Variants in KANSL3 observed in about 807,000 individuals in gnomAD.
KANSL3 encodes NSL complex protein NSL3.
Under a neutral mutation model 89.2 loss-of-function variants are expected in KANSL3, and 16 were observed. The observed-to-expected ratio is 0.18, with a 90% CI of 0.12 to 0.27. The LOEUF (loss-of-function observed/expected upper bound fraction) is 0.27, where lower values mean the gene tolerates loss of function less well. Ranked by LOEUF, KANSL3 falls within the 10% of genes least tolerant of loss-of-function variation. KANSL3 has a pLI of 1.00. For missense variants in KANSL3, 879 were observed against 1,110.6 expected (o/e 0.79, Z 2.96); for synonymous variants, 385 against 419.7 (o/e 0.92, Z 1.01).
chr2:96,636,746 A>T, intron 2 of KANSL3, 175 bp downstream of exon 2: 1 of 519,518 alleles, frequency 1.9e-6, no homozygotes, highest in Non-Finnish European at 3.3e-6. Context: ...TAGCTGTCTC[A>T]CAGAGATAGC....
chr2:96,605,475 T>C lies in KANSL3; in HGVS notation c.1778A>G (p.Lys593Arg), dbSNP rs1205810595. Reference protein sequence around the residue: ...ISSEPPEEGEKEDLRVQLKRH... With the variant: ...ISSEPPEEGEREDLRVQLKRH... ...CTTCAGCTGAACCCTAAGATCCTCT[T>C]TCTCTCCTTCCTCTGGTGGTTCTGA... The change falls in exon 15 of 21, where the codon AAA (lysine) becomes AGA (arginine). Residue 593 changes from lysine to arginine, a missense_variant. Lys to Arg is a conservative substitution (Grantham distance 26). This residue lies in a region of KANSL3 where 317 missense variants were observed against 311.2 expected (regional missense o/e 1.02). Coordinates refer to ENST00000431828, the MANE Select transcript of KANSL3 (RefSeq NM_001115016.3). 1 of 1,613,814 alleles carries C rather than the reference T, an allele frequency of 6.2e-7. No homozygotes were observed. The highest frequency in any genetic ancestry group is 1.3e-5 in the African/African-American group (1 of 74,930).
At chr2:96,637,222 AT>A in intron 1 of KANSL3, 37 bp from the exon 2 acceptor site, 2 of 801,716 alleles carry the variant, frequency 2.5e-6, no homozygotes, top group Non-Finnish European at 4.0e-6. Flanking sequence ...CAATTCCAAT[AT>A]CCTAAATTTC....
At chr2:96,582,946 A>C in the KANSL3 span, among the ~76,000 whole-genome samples, 3 of 152,210 alleles carry the variant, frequency 2.0e-5, no homozygotes, top group African/African-American at 7.2e-5. Flanking sequence ...AGCTACAGGA[A>C]GGTTTGGACA....
chr2:96,587,142 A>C, the KANSL3 span, among the ~76,000 whole-genome samples: 1 of 152,308 alleles, frequency 6.6e-6, no homozygotes, highest in South Asian at 2.1e-4. Flanking sequence ...GAAGTAGGCC[A>C]AGTGGGAAAC....
Position 96,608,665 on chromosome 2 carries a change from CTGAG to C in KANSL3, c.1585-5_1585-2del. 1.9e-6 allele frequency: 3 copies of C among 1,613,966 alleles called. No individual in the cohort carries two copies. The stretch of plus-strand genomic sequence containing the variant: ...GGCTGCTGGACACACTGGAGAGATC[CTGAG>C]TAAGGTGAGAAGGTCAAGAGATGAG... On this transcript the variant is annotated splice_acceptor_variant and splice_polypyrimidine_tract_variant and intron_variant, in intron 13 of 20. Transcript: ENST00000431828. LOFTEE classifies it high-confidence loss of function.
At chr2:96,597,070 T>C (rs1249245566) in intron 20 of KANSL3, among the ~76,000 whole-genome samples, 1 of 152,260 alleles carries the variant, frequency 6.6e-6, no homozygotes, top group East Asian at 1.9e-4. Context: ...TAGAGAAGTC[T>C]AGTTGGTGTT....
chr2:96,589,500 A>G (rs2066259738), downstream of KANSL3, among the ~76,000 whole-genome samples: 1 of 152,246 alleles, frequency 6.6e-6, no homozygotes, highest in Non-Finnish European at 1.5e-5. Flanking sequence ...AAAAAGACAC[A>G]GAAATCCTAA....
At chr2:96,584,265 C>T in the KANSL3 span, among the ~76,000 whole-genome samples, 1 of 152,152 alleles carries the variant, frequency 6.6e-6, no homozygotes, top group Non-Finnish European at 1.5e-5. Context: ...ATACTCCCAC[C>T]TCAGCCTCCC....
intron 17 of KANSL3, chr2:96,603,416 G>A (rs1193180531): frequency 6.6e-6 from 1 of 152,654 alleles, no homozygotes; most frequent in East Asian, 1.9e-4. Flanking sequence ...CCAAGCAGCT[G>A]GGATTACAGG....
intron 3 of KANSL3, among the ~76,000 whole-genome samples, chr2:96,627,027 A>G (rs1008252481): frequency 1.3e-4 from 20 of 152,364 alleles, no homozygotes; most frequent in African/African-American, 4.8e-4. Context: ...TTTTTTTGCA[A>G]CTATTTAAAA....
rs1339390917 is a variant in KANSL3 at position 96,637,147 on chromosome 2, G to A, written c.-12C>T. 23 of 1,540,278 alleles carry A rather than the reference G, an allele frequency of 1.5e-5. No individual in the cohort carries two copies. In the East Asian group the frequency reaches 2.4e-4, roughly 16 times the overall value. Reference sequence around the variant, plus strand: ...CCCCGGTGGGCCATGTCAGTGGAGGGGCAGAAAGTCAGAGCATGGGTATCT... The same window carrying A: ...CCCCGGTGGGCCATGTCAGTGGAGGAGCAGAAAGTCAGAGCATGGGTATCT... On this transcript the variant is annotated 5_prime_UTR_variant, in exon 2 of 21. Coordinates refer to ENST00000431828, the MANE Select transcript of KANSL3 (RefSeq NM_001115016.3).
intron 5 of KANSL3, chr2:96,615,179 A>AAAAAAAAAAAAAAAAAAAAAAAAC (rs1418973806): frequency 6.6e-6 from 1 of 151,838 alleles, no homozygotes; most frequent in African/African-American, 2.4e-5. Flanking sequence ...AAAAAAAAAA[A>AAAAAAAAAAAAAAAAAAAAAAAAC]AAAAAAAAAG....
chr2:96,592,502 G>A (rs2066294296), downstream of KANSL3, among the ~76,000 whole-genome samples: 1 of 152,124 alleles, frequency 6.6e-6, no homozygotes. Context: ...CTCTTGGCCT[G>A]GTGGGAAGTA....
the KANSL3 span, among the ~76,000 whole-genome samples, chr2:96,581,016 G>A: frequency 3.5e-4 from 54 of 152,330 alleles, no homozygotes; most frequent in East Asian, 7.7e-3. Flanking sequence ...TTCAACCAGC[G>A]GCTGTGCAGC....
At chr2:96,621,523 A>C (rs1354517370) in intron 3 of KANSL3, among the ~76,000 whole-genome samples, 1 of 151,964 alleles carries the variant, frequency 6.6e-6, no homozygotes, top group Non-Finnish European at 1.5e-5. Flanking sequence ...TGAAAAAAAA[A>C]AAAAAATTCA....
rs2068057076 is a variant in KANSL3, at chr2:96,606,846, GAA to G, written c.1742-1337_1742-1336del. The G allele has an allele frequency of 7.0e-6, 3 of 426,364 alleles. No individual in the cohort carries two copies. In the Admixed American group the frequency reaches 1.1e-4, roughly 15 times the overall value. 26.4% of individuals were successfully genotyped at this position (426,364 alleles called of 1,614,324 possible). ...GGTCAGCAAAACAAAAGAATACAAAGAAAGAGAGAGAAAAGAACAGGAGGAAA... is the reference window on the plus strand; with the variant it reads ...GGTCAGCAAAACAAAAGAATACAAAGAGAGAGAGAAAAGAACAGGAGGAAA... On this transcript the variant is annotated intron_variant, in intron 14 of 20. Coordinates refer to ENST00000431828, the MANE Select transcript of KANSL3 (RefSeq NM_001115016.3).
At chr2:96,627,816 A>C in intron 3 of KANSL3, 2 of 914,922 alleles carry the variant, frequency 2.2e-6, no homozygotes, top group Non-Finnish European at 3.1e-6. Flanking sequence ...GCAAGCTCCA[A>C]ACAGGCTACA....
At chr2:96,627,967 C>T (rs774960590) in intron 3 of KANSL3, 7 of 1,289,768 alleles carry the variant, frequency 5.4e-6, no homozygotes, top group East Asian at 5.5e-5. Context: ...AGAAGGCCTC[C>T]AAAATCTCAT....
chr2:96,622,156 G>A (rs1189800060), intron 3 of KANSL3, among the ~76,000 whole-genome samples: 2 of 152,096 alleles, frequency 1.3e-5, no homozygotes, highest in Admixed American at 1.3e-4. Context: ...AGGCAAAGTG[G>A]CTCACGCCTA....
Sources: gnomAD v4.1 joint callset for allele counts (sites outside exome capture counted in the v4.1 genomes callset) on GRCh38, gnomAD v4.1.1 for gene constraint, gnomAD v4.1.1 regional missense constraint, MANE v1.5 for transcripts, NCBI Gene and HGNC (gene_info 2026-07-23, HGNC 2026-07-21) for gene names.